The following LAMC3 variants were observed in gnomAD, a reference collection of about 807,000 sequenced individuals.
LAMC3 encodes the protein laminin subunit gamma 3.
Under a neutral mutation model 173.8 loss-of-function variants are expected in LAMC3, and 128 were observed. That is an observed-to-expected ratio of 0.74 (90% CI 0.64 to 0.85). The LOEUF (loss-of-function observed/expected upper bound fraction) is 0.85. LAMC3 is among the 40% of genes least tolerant of loss of function. The pLI is 0.00. For missense variants in LAMC3, 2,022 were observed against 2,156.0 expected, an observed-to-expected ratio of 0.94 and a Z score of 1.23; for synonymous variants, 897 against 909.1, an observed-to-expected ratio of 0.99 and a Z score of 0.24.
chr9:131,055,703 G>A (rs542617743), intron 11 of LAMC3, among the ~76,000 whole-genome samples: 3 of 151,680 alleles, frequency 2.0e-5, no homozygotes, highest in South Asian at 2.1e-4. Flanking sequence ...GGGATTACAG[G>A]CTCGAGCCAC....
Position 131,092,095 on chromosome 9 carries a change from C to T in LAMC3, c.*308C>T, listed in dbSNP as rs897668224. Reference sequence around the variant, plus strand: ...GGTGCATGTCTGTGTGTATGACCCACACGTGTTCAAGTCTAATCCATCCAG... The same window carrying T: ...GGTGCATGTCTGTGTGTATGACCCATACGTGTTCAAGTCTAATCCATCCAG... On this transcript the variant is annotated 3_prime_UTR_variant, in exon 28 of 28. Coordinates refer to ENST00000361069, the MANE Select transcript of LAMC3 (RefSeq NM_006059.4). 1 of 457,846 alleles carries T rather than the reference C, an allele frequency of 2.2e-6. No individual in the cohort carries two copies. The highest frequency in any genetic ancestry group is 4.1e-6 in the Non-Finnish European group (1 of 246,788). 28.4% of individuals were successfully genotyped at this position (457,846 alleles called of 1,614,324 possible). A position where few individuals can be genotyped will look rare whatever the true frequency, so the allele number is the denominator to read the frequency against.
rs1015387013 is a variant in LAMC3 at position 131,092,080 on chromosome 9, T to A, written c.*293T>A. 2.0e-6 allele frequency: 1 copy of A among 490,136 alleles called. No homozygotes were observed. Among genetic ancestry groups the A allele is most frequent in the Non-Finnish European group, 3.8e-6 (1 of 265,834 alleles). The allele number at this position is 490,136 out of a possible 1,614,324, so 30.4% of individuals were successfully genotyped here. A position where few individuals can be genotyped will look rare whatever the true frequency, so the allele number is the denominator to read the frequency against. ...ACATACACACGTGAGGGTGCATGTC[T>A]GTGTGTATGACCCACACGTGTTCAA... On this transcript the variant is annotated 3_prime_UTR_variant, in exon 28 of 28. Coordinates refer to ENST00000361069, the MANE Select transcript of LAMC3 (RefSeq NM_006059.4).
chr9:131,053,053 G>A, intron 11 of LAMC3, 88 bp downstream of exon 11: 3 of 986,118 alleles, frequency 3.0e-6, no homozygotes, highest in Non-Finnish European at 4.7e-6. Context: ...GTCTTGTCAG[G>A]GCCTTGCGGC....
At chr9:131,052,157 G>T (rs1410546750) in intron 9 of LAMC3, among the ~76,000 whole-genome samples, 1 of 152,192 alleles carries the variant, frequency 6.6e-6, no homozygotes, top group Non-Finnish European at 1.5e-5. Context: ...TGAGCAGACG[G>T]CAGCCTCTCT....
At chr9:131,079,011 T>C in intron 22 of LAMC3, 138 bp from the exon 23 acceptor site, 1 of 1,092,022 alleles carries the variant, frequency 9.2e-7, no homozygotes, top group African/African-American at 1.6e-5. Context: ...TCACCAGGTT[T>C]TCAGGGGGCT....
intron 3 of LAMC3, among the ~76,000 whole-genome samples, chr9:131,034,556 G>C (rs1167458889): frequency 1.3e-5 from 2 of 152,048 alleles, no homozygotes; most frequent in Non-Finnish European, 2.9e-5. Flanking sequence ...GGTCCACGTG[G>C]AGTCGATGAG....
Position 131,087,784 on chromosome 9 carries a change from A to G in LAMC3, c.4444A>G (p.Ile1482Val), listed in dbSNP as rs1830358240. Residue 1482 changes from isoleucine (I) to valine (V), a missense_variant, in exon 27 of 28, where the codon ATC becomes GTC. Coordinates refer to ENST00000361069, the MANE Select transcript of LAMC3 (RefSeq NM_006059.4). ...ATCGCGTATCTCACTGGAGAAGGAC[A>G]TCGAGACCTTGTCAGAGCTGCTTGC... ...RESRISLEKD[I>V]ETLSELLARL... is the part of the protein sequence containing the mutation. 1.9e-6 allele frequency: 3 copies of G among 1,614,028 alleles called. No homozygotes were observed. Among genetic ancestry groups the G allele is most frequent in the Non-Finnish European group, 2.5e-6 (3 of 1,180,048 alleles).
intron 1 of LAMC3, among the ~76,000 whole-genome samples, chr9:131,015,489 G>A (rs1174814471): frequency 6.6e-6 from 1 of 151,956 alleles, no homozygotes; most frequent in Non-Finnish European, 1.5e-5. Flanking sequence ...AATCATAGTC[G>A]ACATCCAGGA....
intron 1 of LAMC3, among the ~76,000 whole-genome samples, chr9:131,023,994 C>T (rs1418267885): frequency 6.6e-6 from 1 of 151,862 alleles, no homozygotes; most frequent in Non-Finnish European, 1.5e-5. Flanking sequence ...CAGTGGTGTT[C>T]CTTGAAGGAC....
intron 3 of LAMC3, among the ~76,000 whole-genome samples, chr9:131,032,535 T>TCTCTCTCTCTCGCTCTCTCTCG (rs1833849290): frequency 3.1e-5 from 4 of 128,182 alleles, no homozygotes; most frequent in Non-Finnish European, 4.8e-5. Flanking sequence ...TCTCTCGCTG[T>TCTCTCTCTCTCGCTCTCTCTCG]CTCTCTCTCT....
chr9:131,076,520 C>A (rs946236416), intron 21 of LAMC3, among the ~76,000 whole-genome samples: 1 of 152,150 alleles, frequency 6.6e-6, no homozygotes, highest in African/African-American at 2.4e-5. Flanking sequence ...AGCCAGTCAC[C>A]ATGGCTGGGG....
intron 8 of LAMC3, among the ~76,000 whole-genome samples, chr9:131,048,196 A>G (rs1299647899): frequency 6.6e-6 from 1 of 150,998 alleles, no homozygotes; most frequent in Non-Finnish European, 1.5e-5. Context: ...AGCTCAGATT[A>G]TAGGCAGCTG....
chr9:131,036,504 G>A (rs1833948377), intron 4 of LAMC3, among the ~76,000 whole-genome samples, 172 bp downstream of exon 4: 1 of 152,118 alleles, frequency 6.6e-6, no homozygotes, highest in Non-Finnish European at 1.5e-5. Context: ...AGCCTGGGGA[G>A]GGGGTGCATT....
At chr9:131,014,590 C>T (rs974290054) in intron 1 of LAMC3, among the ~76,000 whole-genome samples, 1 of 152,242 alleles carries the variant, frequency 6.6e-6, no homozygotes, top group Non-Finnish European at 1.5e-5. Context: ...CCTGTTTTCA[C>T]ACCTGTGCCC....
chr9:131,015,668 T>G (rs1833508011), intron 1 of LAMC3, among the ~76,000 whole-genome samples: 1 of 152,160 alleles, frequency 6.6e-6, no homozygotes, highest in South Asian at 2.1e-4. Context: ...TCTTTTTTAT[T>G]TTTTTGAGAC....
chr9:131,051,703 C>A (rs1834289172), intron 9 of LAMC3, among the ~76,000 whole-genome samples: 1 of 152,144 alleles, frequency 6.6e-6, no homozygotes, highest in African/African-American at 2.4e-5. Flanking sequence ...ATACTGCACA[C>A]AACAAGCCCA....
chr9:131,036,014 T>C, intron 3 of LAMC3, 152 bp from the exon 4 acceptor site: 5 of 802,918 alleles, frequency 6.2e-6, no homozygotes, highest in South Asian at 1.5e-5. Flanking sequence ...CTGTTACTGC[T>C]GCCCCCAGGG....
At position 131,085,897 on chromosome 9, in the gene LAMC3, T is replaced by C. The variant is rs1329941579; in HGVS notation, c.4230+174T>C. 4 of 698,692 alleles carry C rather than the reference T, an allele frequency of 5.7e-6. No individual in the cohort carries two copies. In the East Asian group the frequency reaches 1.1e-4, roughly 19 times the overall value. The allele number at this position is 698,692 out of a possible 1,614,324, so 43.3% of individuals were successfully genotyped here. A position where few individuals can be genotyped will look rare whatever the true frequency, so the allele number is the denominator to read the frequency against. Reference sequence around the variant, plus strand: ...GTGAGTCTGTGGGTTCCTCACGAAATAGGTGTCATTGCTGTCCCCATTGTA... The same window carrying C: ...GTGAGTCTGTGGGTTCCTCACGAAACAGGTGTCATTGCTGTCCCCATTGTA... On this transcript the variant is annotated intron_variant, in intron 25 of 27. Coordinates refer to ENST00000361069, the MANE Select transcript of LAMC3 (RefSeq NM_006059.4).
intron 11 of LAMC3, 35 bp from the exon 12 acceptor site, chr9:131,056,894 C>T: frequency 6.4e-7 from 1 of 1,555,558 alleles, no homozygotes; most frequent in Non-Finnish European, 8.8e-7. Flanking sequence ...GGAGCTTGTG[C>T]CTCCTCTCTT....
Sources: gnomAD v4.1 joint callset for allele counts (sites outside exome capture counted in the v4.1 genomes callset) on GRCh38, gnomAD v4.1.1 for gene constraint, MANE v1.5 for transcripts, NCBI Gene and HGNC (gene_info 2026-07-23, HGNC 2026-07-21) for gene names.